The following SLC35F1 variants were observed in gnomAD, a reference collection of about 807,000 sequenced individuals.
The protein encoded by SLC35F1 is chromosome 6 open reading frame 169.
SLC35F1 carries 14 observed loss-of-function variants against 48.7 expected under a neutral mutation model. That is an observed-to-expected ratio of 0.29 (90% CI 0.19 to 0.45). SLC35F1 has a LOEUF of 0.45. Among genes scored for constraint, SLC35F1 ranks in the 20% least tolerant of loss-of-function variants. The pLI is 1.00. For missense variants in SLC35F1, 404 were observed against 500.0 expected, an observed-to-expected ratio of 0.81 and a Z score of 1.83; for synonymous variants, 190 against 202.2, an observed-to-expected ratio of 0.94 and a Z score of 0.51.
intron 1 of SLC35F1, among the ~76,000 whole-genome samples, chr6:117,921,053 GACACACACACACACAC>G (rs60793418): frequency 9.4e-5 from 14 of 149,490 alleles, no homozygotes; most frequent in African/African-American, 2.2e-4. Flanking sequence ...ATTTCTCTTT[GACACACACACACACAC>G]ACACACACAC....
intron 2 of SLC35F1, among the ~76,000 whole-genome samples, chr6:118,155,231 T>A (rs528976965): frequency 6.6e-6 from 1 of 152,302 alleles, no homozygotes; most frequent in South Asian, 2.1e-4. Flanking sequence ...TCAGGGTGCA[T>A]CCCTGGAGGG....
chr6:118,187,575 G>A (rs73766459), intron 2 of SLC35F1, among the ~76,000 whole-genome samples: 3,534 of 152,144 alleles, frequency 0.023, 141 homozygotes, highest in African/African-American at 0.08. Context: ...GTTATCCAGC[G>A]CGTGGGTGGC....
intron 1 of SLC35F1, among the ~76,000 whole-genome samples, chr6:117,999,718 G>A (rs1034661780): frequency 6.6e-6 from 1 of 151,656 alleles, no homozygotes; most frequent in South Asian, 2.1e-4. Context: ...TAATAAAGAA[G>A]AAAAGAGAGA....
intron 1 of SLC35F1, among the ~76,000 whole-genome samples, chr6:117,931,117 T>A (rs1454981707): frequency 3.3e-5 from 5 of 152,198 alleles, no homozygotes; most frequent in Non-Finnish European, 1.5e-5. Flanking sequence ...TTATTGGTGT[T>A]GTTCATTGTT....
At chr6:118,205,175 C>T (rs1774919227) in intron 2 of SLC35F1, among the ~76,000 whole-genome samples, 1 of 152,158 alleles carries the variant, frequency 6.6e-6, no homozygotes, top group Non-Finnish European at 1.5e-5. Flanking sequence ...ACATTGCAAA[C>T]CTGTGTGTGG....
At chr6:118,033,592 C>T (rs899566654) in intron 1 of SLC35F1, among the ~76,000 whole-genome samples, 1 of 145,380 alleles carries the variant, frequency 6.9e-6, no homozygotes, top group Non-Finnish European at 1.5e-5. Flanking sequence ...TATATGTTTG[C>T]ATTTGTATAC....
chr6:118,270,261 T>A (rs1252028570), intron 4 of SLC35F1, among the ~76,000 whole-genome samples: 1 of 152,206 alleles, frequency 6.6e-6, no homozygotes, highest in Non-Finnish European at 1.5e-5. Flanking sequence ...CTTCATTAGC[T>A]ATCCAGAAAT....
intron 1 of SLC35F1, among the ~76,000 whole-genome samples, chr6:117,934,637 G>T (rs183511443): frequency 2.0e-5 from 3 of 152,188 alleles, no homozygotes; most frequent in Admixed American, 6.5e-5. Context: ...ATTTGGTTAA[G>T]ATATAAATAT....
chr6:118,009,552 A>G (rs1315083060), intron 1 of SLC35F1, among the ~76,000 whole-genome samples: 1 of 152,214 alleles, frequency 6.6e-6, no homozygotes, highest in African/African-American at 2.4e-5. Flanking sequence ...CTGTGCCTCC[A>G]CATTAATGCA....
chr6:118,085,657 G>A (rs1772979117), intron 1 of SLC35F1, among the ~76,000 whole-genome samples: 2 of 151,306 alleles, frequency 1.3e-5, no homozygotes, highest in African/African-American at 4.9e-5. Flanking sequence ...TTTCTATCTT[G>A]TCTTTAAGAT....
intron 1 of SLC35F1, among the ~76,000 whole-genome samples, chr6:118,151,677 G>A (rs892844069): frequency 6.6e-6 from 1 of 151,940 alleles, no homozygotes; most frequent in Non-Finnish European, 1.5e-5. Context: ...CACCACACCT[G>A]GGTAATTTTT....
At chr6:117,955,896 A>G (rs1202976872) in intron 1 of SLC35F1, among the ~76,000 whole-genome samples, 1 of 152,226 alleles carries the variant, frequency 6.6e-6, no homozygotes, top group Non-Finnish European at 1.5e-5. Context: ...GTGAAAACAT[A>G]GAACTAAGCA....
At chr6:118,064,210 T>C (rs112202455) in intron 1 of SLC35F1, among the ~76,000 whole-genome samples, 32 of 152,246 alleles carry the variant, frequency 2.1e-4, no homozygotes, top group African/African-American at 7.7e-4. Context: ...GAGAACAGCA[T>C]GGGAAAAACC....
At chr6:118,280,000 T>G (rs1775962757) in intron 6 of SLC35F1, among the ~76,000 whole-genome samples, 1 of 152,228 alleles carries the variant, frequency 6.6e-6, no homozygotes, top group Non-Finnish European at 1.5e-5. Context: ...TTGGGATACA[T>G]GTTTTCTATT....
At chr6:118,205,334 G>A (rs1013032139) in intron 2 of SLC35F1, among the ~76,000 whole-genome samples, 4 of 152,086 alleles carry the variant, frequency 2.6e-5, no homozygotes, top group East Asian at 3.8e-4. Context: ...CATTTCTCAC[G>A]AGAAGAAGAT....
Position 118,028,734 on chromosome 6 carries a change from C to G in SLC35F1, c.173+120835C>G, listed in dbSNP as rs1771994386. ...TTAAAGATAATTCCAACATTTAGAGCCTTGTAGACAGGGAAAATAGTACGT... is the reference window on the plus strand; with the variant it reads ...TTAAAGATAATTCCAACATTTAGAGGCTTGTAGACAGGGAAAATAGTACGT... On this transcript the variant is annotated intron_variant, in intron 1 of 7. Transcript: ENST00000360388. Among the ~76,000 whole-genome samples the G allele has an allele frequency of 2.6e-5, 4 of 152,018 alleles. No individual in the cohort carries two copies. In the South Asian group the frequency reaches 8.3e-4, roughly 32 times the overall value.
At chr6:118,059,579 A>G (rs1322534100) in intron 1 of SLC35F1, among the ~76,000 whole-genome samples, 2 of 152,190 alleles carry the variant, frequency 1.3e-5, no homozygotes, top group African/African-American at 2.4e-5. Flanking sequence ...CCCACTCTAC[A>G]TGTCCATCGC....
chr6:118,211,453 A>G (rs555297029), intron 2 of SLC35F1, among the ~76,000 whole-genome samples: 3 of 152,336 alleles, frequency 2.0e-5, no homozygotes, highest in African/African-American at 2.4e-5. Context: ...AATGATTATC[A>G]TGTGCATACT....
intron 5 of SLC35F1, among the ~76,000 whole-genome samples, chr6:118,276,011 G>C (rs1210635717): frequency 6.6e-6 from 1 of 152,134 alleles, no homozygotes; most frequent in African/African-American, 2.4e-5. Context: ...AAAACTTATA[G>C]TATAAAATTA....
Sources: allele counts gnomAD v4.1 joint callset (sites outside exome capture counted in the v4.1 genomes callset), GRCh38; gene constraint gnomAD v4.1.1; transcripts MANE v1.5; gene names NCBI Gene and HGNC (gene_info 2026-07-23, HGNC 2026-07-21).